The following LIG1 variants were observed in gnomAD, a reference collection of about 807,000 sequenced individuals.
The protein encoded by LIG1 is ligase I, DNA, ATP-dependent.
Under a neutral mutation model 115.7 loss-of-function variants are expected in LIG1, and 70 were observed. That is an observed-to-expected ratio of 0.60 (90% CI 0.50 to 0.74). The LOEUF (loss-of-function observed/expected upper bound fraction) is 0.74. LIG1 is among the 30% of genes least tolerant of loss of function. The pLI, the probability that LIG1 is intolerant of heterozygous loss-of-function variation, is 0.00. For synonymous variants in LIG1, 487 were observed against 495.3 expected (o/e 0.98, Z 0.22); for missense variants, 1,115 against 1,225.6 (o/e 0.91, Z 1.35).
rs896423855 is a variant in LIG1, at chr19:48,137,149, A to T, written c.1255-65T>A. 7.5e-7 allele frequency: 1 copy of T among 1,329,112 alleles called. No individual in the cohort carries two copies. Among genetic ancestry groups the T allele is most frequent in the African/African-American group, 1.4e-5 (1 of 69,544 alleles). The allele number at this position is 1,329,112 out of a possible 1,614,324, so 82.3% of individuals were successfully genotyped here. A position where few individuals can be genotyped will look rare whatever the true frequency, so the allele number is the denominator to read the frequency against. On this transcript the variant is annotated intron_variant, in intron 13 of 27. Transcript: ENST00000263274. This position sits in a 1 kb window ranked among gnomAD's most constrained non-coding sequence, Gnocchi z 4.3. ...GCAGGGACCACACCTCCACCCCACC[A>T]GCCGTGCTGCTGCCCTGCATTTTGG... is the stretch of plus-strand genomic sequence containing the variant.
Position 48,127,351 on chromosome 19 carries a change from G to A in LIG1, c.1933-3C>T. 6.2e-7 allele frequency: 1 copy of A among 1,612,622 alleles called. No homozygotes were observed. The highest frequency in any genetic ancestry group is 1.3e-5 in the African/African-American group (1 of 75,052). The stretch of plus-strand genomic sequence containing the variant: ...TGGATCTCAGACGCATCCACCTCCT[G>A]GGTTGGGGCACAACGGAGTTCGTGA... On this transcript the variant is annotated splice_polypyrimidine_tract_variant and splice_region_variant and intron_variant, in intron 20 of 27. Coordinates refer to ENST00000263274, the MANE Select transcript of LIG1 (RefSeq NM_000234.3).
chr19:48,135,607 T>A, intron 16 of LIG1, 73 bp downstream of exon 16: 1 of 1,183,916 alleles, frequency 8.4e-7, no homozygotes, highest in Non-Finnish European at 1.3e-6. Context: ...CACCCACTGC[T>A]CCTCTGGCTC....
intron 2 of LIG1, among the ~76,000 whole-genome samples, chr19:48,162,832 G>A (rs539016915): frequency 2.0e-5 from 3 of 152,280 alleles, no homozygotes; most frequent in East Asian, 1.9e-4. Flanking sequence ...AGACAAAGGA[G>A]GCAACACTAA....
chr19:48,143,699 C>A (rs1372731383), intron 10 of LIG1, 100 bp from the exon 11 acceptor site: 1 of 1,167,878 alleles, frequency 8.6e-7, no homozygotes, highest in Non-Finnish European at 1.3e-6. Flanking sequence ...GACACCCTTG[C>A]CAATACCCAA....
chr19:48,169,915 C>A (rs1568568105), intron 1 of LIG1: 1 of 144,424 alleles, frequency 6.9e-6, no homozygotes, highest in African/African-American at 2.7e-5. Context: ...CAGTTTTCCC[C>A]CCCCCGGCCC....
intron 9 of LIG1, among the ~76,000 whole-genome samples, chr19:48,145,626 GT>G (rs2035065366): frequency 6.6e-6 from 1 of 152,156 alleles, no homozygotes; most frequent in South Asian, 2.1e-4. Flanking sequence ...TGAACTTGGG[GT>G]TTAACAAGCG....
intron 5 of LIG1, 127 bp downstream of exon 5, chr19:48,156,887 C>T (rs991385590): frequency 3.4e-5 from 28 of 825,846 alleles, no homozygotes; most frequent in Admixed American, 1.3e-4. Context: ...GTCAGTGAGC[C>T]GAGATCATGC....
In LIG1 at chr19:48,137,739, G is replaced by C. The variant is rs367976029; in HGVS notation, c.1088-51C>G. On this transcript the variant is annotated intron_variant, in intron 12 of 27. Coordinates refer to ENST00000263274, the MANE Select transcript of LIG1 (RefSeq NM_000234.3). This position sits in a 1 kb window ranked among gnomAD's most constrained non-coding sequence, Gnocchi z 4.3. The stretch of plus-strand genomic sequence containing the variant: ...TGTCGAGGGTGACAGTTGTGGCTGC[G>C]TGTCTCCCTTCTCTCGCGGCCTGGA... The C allele has an allele frequency of 4.4e-6, 7 of 1,592,698 alleles. No homozygotes were observed. Among genetic ancestry groups the C allele is most frequent in the South Asian group, 2.2e-5 (2 of 90,592 alleles).
At position 48,137,152 on chromosome 19, in the gene LIG1, C is replaced by G; in HGVS notation, c.1255-68G>C. 5 of 1,304,964 alleles carry G rather than the reference C, an allele frequency of 3.8e-6. No individual in the cohort carries two copies. The South Asian group carries it at 6.2e-5, about 16-fold the overall frequency. The allele number at this position is 1,304,964 out of a possible 1,614,324, so 80.8% of individuals were successfully genotyped here. A position where few individuals can be genotyped will look rare whatever the true frequency, so the allele number is the denominator to read the frequency against. ...GGGACCACACCTCCACCCCACCAGC[C>G]GTGCTGCTGCCCTGCATTTTGGAAT... On this transcript the variant is annotated intron_variant, in intron 13 of 27. Coordinates refer to ENST00000263274, the MANE Select transcript of LIG1 (RefSeq NM_000234.3). The surrounding 1 kb of genome is among the most constrained non-coding windows in gnomAD (Gnocchi z 4.3).
rs187686594 is a variant in LIG1, at chr19:48,138,714, T to C, written c.1088-1026A>G. Among the ~76,000 whole-genome samples the C allele has an allele frequency of 2.6e-3, 396 of 152,278 alleles. 1 individual carries two copies. Among genetic ancestry groups the C allele is most frequent in the Non-Finnish European group, 3.5e-3 (237 of 68,022 alleles). On this transcript the variant is annotated intron_variant, in intron 12 of 27. Coordinates refer to ENST00000263274, the MANE Select transcript of LIG1 (RefSeq NM_000234.3). ...ACAGTGGAAGAGGCCCCAGCTGCCA[T>C]GGATTGTTGGGCAGGAAAGCCAGCA...
intron 1 of LIG1, among the ~76,000 whole-genome samples, chr19:48,166,789 G>A (rs1191065463): frequency 2.6e-5 from 4 of 151,640 alleles, no homozygotes. Context: ...TGGCCAGCAT[G>A]GTGAAACCTC....
chr19:48,125,855 G>A (rs1489190588), intron 21 of LIG1, among the ~76,000 whole-genome samples: 4 of 151,986 alleles, frequency 2.6e-5, no homozygotes, highest in African/African-American at 7.2e-5. Flanking sequence ...AGGCGTGGTG[G>A]TGCACGCCTG....
At position 48,137,390 on chromosome 19, in the gene LIG1, G is replaced by T; in HGVS notation, c.1254+132C>A. On this transcript the variant is annotated intron_variant, in intron 13 of 27. Coordinates refer to ENST00000263274, the MANE Select transcript of LIG1 (RefSeq NM_000234.3). The surrounding 1 kb of genome is among the most constrained non-coding windows in gnomAD (Gnocchi z 4.3). ...AGGATTGGGTGCAGGAAGGAGGAGA[G>T]GAAGCTGTGCACCCCATGAGAAGGA... The T allele has an allele frequency of 8.5e-7, 1 of 1,171,734 alleles. No individual in the cohort carries two copies. Among genetic ancestry groups the T allele is most frequent in the East Asian group, 2.6e-5 (1 of 39,150 alleles). 72.6% of individuals were successfully genotyped at this position (1,171,734 alleles called of 1,614,324 possible). A position where few individuals can be genotyped will look rare whatever the true frequency, so the allele number is the denominator to read the frequency against.
At chr19:48,144,364 G>A (rs2034981808) in intron 9 of LIG1, among the ~76,000 whole-genome samples, 2 of 152,222 alleles carry the variant, frequency 1.3e-5, no homozygotes, top group Middle Eastern at 3.4e-3. Context: ...GCGCTGAGGT[G>A]CAGACAAACT....
chr19:48,137,702 C>A lies in LIG1; in HGVS notation c.1088-14G>T, dbSNP rs201128221. ...CCAGCTGCCGACCTTCAGGGGAGAG[C>A]GCGGGTGGGGGTGTCGAGGGTGACA... On this transcript the variant is annotated splice_polypyrimidine_tract_variant and intron_variant, in intron 12 of 27. Transcript: ENST00000263274. This position sits in a 1 kb window ranked among gnomAD's most constrained non-coding sequence, Gnocchi z 4.3. The A allele has an allele frequency of 4.4e-6, 7 of 1,601,064 alleles. No individual in the cohort carries two copies. The East Asian group carries it at 1.3e-4, about 31-fold the overall frequency.
In LIG1 at chr19:48,127,892, T is replaced by G. The variant is rs766346949; in HGVS notation, c.1932+18A>C. The G allele has an allele frequency of 6.2e-7, 1 of 1,600,858 alleles. No individual in the cohort carries two copies. Among genetic ancestry groups the G allele is most frequent in the Non-Finnish European group, 8.6e-7 (1 of 1,168,394 alleles). On this transcript the variant is annotated intron_variant, in intron 20 of 27. Coordinates refer to ENST00000263274, the MANE Select transcript of LIG1 (RefSeq NM_000234.3). ...GGAAGTACGGGGCCTTGGCAGGCAG[T>G]GGAGCGGGTGATGCTACCTTGCGTT... is the stretch of plus-strand genomic sequence containing the variant.
chr19:48,167,402 C>T (rs1351285003), intron 1 of LIG1, among the ~76,000 whole-genome samples: 1 of 151,996 alleles, frequency 6.6e-6, no homozygotes, highest in African/African-American at 2.4e-5. Context: ...CTTCTTCAAC[C>T]CATGGGGTCC....
chr19:48,126,764 A>G (rs1299421205), intron 21 of LIG1, among the ~76,000 whole-genome samples: 4 of 150,032 alleles, frequency 2.7e-5, no homozygotes, highest in Admixed American at 6.6e-5. Flanking sequence ...TTTTTTTTGA[A>G]TAGACACAAG....
Position 48,161,442 on chromosome 19 carries a change from C to T in LIG1, c.173G>A (p.Arg58Lys). The change falls in exon 4 of 28, where the codon AGG becomes AAG. Residue 58 changes from arginine to lysine, a missense_variant. Arg to Lys is a conservative substitution (Grantham distance 26). Transcript: ENST00000263274. ...ESDSPVKRPG[R>K]KAARVLGSEG... ...GCTGCCCAGGACCCGGGCCGCCTTC[C>T]TCCCTGGCCTCTTCACCGGAGAGTC... is the stretch of plus-strand genomic sequence containing the variant. 2 of 1,614,170 alleles carry T rather than the reference C, an allele frequency of 1.2e-6. No individual in the cohort carries two copies. The highest frequency in any genetic ancestry group is 1.1e-5 in the South Asian group (1 of 91,088).
Sources: allele counts gnomAD v4.1 joint callset (sites outside exome capture counted in the v4.1 genomes callset), GRCh38; gene constraint gnomAD v4.1.1; non-coding constraint Gnocchi (gnomAD v3.1); transcripts MANE v1.5; gene names NCBI Gene and HGNC (gene_info 2026-07-23, HGNC 2026-07-21).